LGALS14: variants seen among roughly 807,000 people sequenced by gnomAD.
LGALS14 encodes galectin 14.
A neutral mutation model predicts 14.6 loss-of-function variants in LGALS14; 14 were observed. The observed-to-expected ratio is 0.96, with a 90% confidence interval of 0.64 to 1.50. The LOEUF (loss-of-function observed/expected upper bound fraction) is 1.50, where lower values mean the gene tolerates loss of function less well. Ranked by LOEUF, LGALS14 falls within the 40% of genes most tolerant of loss-of-function variation. The probability of loss-of-function intolerance (pLI) is 0.00; values close to 1 mark genes in which losing one functional copy is unlikely to be tolerated. For missense variants in LGALS14, 180 were observed against 172.0 expected, an observed-to-expected ratio of 1.05 and a Z score of -0.26; for synonymous variants, 57 against 63.9, an observed-to-expected ratio of 0.89 and a Z score of 0.51.
chr19:39,707,415 T>A, intron 3 of LGALS14, 27 bp downstream of exon 3: 1 of 1,580,694 alleles, frequency 6.3e-7, no homozygotes, highest in Non-Finnish European at 8.7e-7. Flanking sequence ...CTTCCAGCGC[T>A]GGAGCTCTGT....
Position 39,704,503 on chromosome 19 carries a change from G to T in LGALS14, c.-26G>T, listed in dbSNP as rs761552565. The T allele has an allele frequency of 6.2e-7, 1 of 1,612,918 alleles. No homozygotes were observed. Among genetic ancestry groups the T allele is most frequent in the Non-Finnish European group, 8.5e-7 (1 of 1,179,222 alleles). ...CACACAGAAGACTGGACACAATTCC[G>T]AAGAGCTGCCCAGAAGGAGAGAACA... is the stretch of plus-strand genomic sequence containing the variant. On this transcript the variant is annotated 5_prime_UTR_variant, in exon 1 of 4. Transcript: ENST00000392052.
At chr19:39,705,259 G>A (rs551252529) in intron 1 of LGALS14, among the ~76,000 whole-genome samples, 12 of 152,248 alleles carry the variant, frequency 7.9e-5, no homozygotes, top group Admixed American at 2.0e-4. Flanking sequence ...GAAAAGGAAC[G>A]CAGATTATGG....
chr19:39,704,587 A>C (rs1245263938), intron 1 of LGALS14, 44 bp downstream of exon 1: 1 of 1,603,546 alleles, frequency 6.2e-7, no homozygotes, highest in South Asian at 1.1e-5. Flanking sequence ...AAGTCACATA[A>C]ACCAAGAAAG....
At chr19:39,705,922 C>G (rs764262003) in intron 1 of LGALS14, 1 of 1,613,704 alleles carries the variant, frequency 6.2e-7, no homozygotes, top group South Asian at 1.1e-5. Context: ...CCCTGACCCA[C>G]AGGCTTCATT....
chr19:39,709,439 C>T lies in LGALS14; in HGVS notation c.*126C>T. On this transcript the variant is annotated 3_prime_UTR_variant, in exon 4 of 4. Coordinates refer to ENST00000392052, the MANE Select transcript of LGALS14 (RefSeq NM_020129.3). Reference sequence around the variant, plus strand: ...CCTACACTTGATCATTAAAACAGCACCAAACTTCACATGATTGGTTCTTGC... The same window carrying T: ...CCTACACTTGATCATTAAAACAGCATCAAACTTCACATGATTGGTTCTTGC... 6.3e-6 allele frequency: 4 copies of T among 634,606 alleles called. No homozygotes were observed. The South Asian group carries it at 7.6e-5, about 12-fold the overall frequency. The allele number at this position is 634,606 out of a possible 1,614,324, so 39.3% of individuals were successfully genotyped here.
intron 3 of LGALS14, among the ~76,000 whole-genome samples, chr19:39,707,625 G>A (rs10418762): frequency 0.057 from 8,654 of 152,166 alleles, 801 homozygotes; most frequent in African/African-American, 0.19. Flanking sequence ...AATCTCCTCT[G>A]TCTTTTCCCA....
At chr19:39,704,603 G>C in intron 1 of LGALS14, 60 bp downstream of exon 1, 1 of 1,561,498 alleles carries the variant, frequency 6.4e-7, no homozygotes, top group South Asian at 1.1e-5. Context: ...GAAAGAAACA[G>C]GGGAGGTTTT....
chr19:39,706,999 A>G (rs1181519604), intron 2 of LGALS14, among the ~76,000 whole-genome samples, 179 bp from the exon 3 acceptor site: 2 of 152,228 alleles, frequency 1.3e-5, no homozygotes, highest in African/African-American at 2.4e-5. Flanking sequence ...GATGAGGAAC[A>G]CAGCATCTCC....
chr19:39,704,589 C>T (rs779428389), intron 1 of LGALS14, 46 bp downstream of exon 1: 1 of 1,599,856 alleles, frequency 6.3e-7, no homozygotes, highest in South Asian at 1.1e-5. Flanking sequence ...GTCACATAAA[C>T]CAAGAAAGAA....
At chr19:39,707,037 G>A (rs533423392) in intron 2 of LGALS14, 141 bp from the exon 3 acceptor site, 250 of 685,826 alleles carry the variant, frequency 3.6e-4, no homozygotes, top group Non-Finnish European at 5.3e-4. Flanking sequence ...GAGCTAAAGC[G>A]TCCCCACAGG....
chr19:39,709,150 C>A, intron 3 of LGALS14, 47 bp from the exon 4 acceptor site: 1 of 1,199,102 alleles, frequency 8.3e-7, no homozygotes, highest in Non-Finnish European at 1.2e-6. Context: ...GGGCTGAAAA[C>A]CTGTTTGGTG....
At chr19:39,707,475 C>G (rs923025575) in intron 3 of LGALS14, 87 bp downstream of exon 3, 2 of 1,029,498 alleles carry the variant, frequency 1.9e-6, no homozygotes, top group African/African-American at 3.1e-5. Flanking sequence ...CCACCAGTCC[C>G]TTGGGGCCCA....
intron 1 of LGALS14, chr19:39,706,014 G>T (rs372371300): frequency 5.1e-5 from 83 of 1,613,570 alleles, no homozygotes; most frequent in Non-Finnish European, 6.3e-5. Context: ...ATTGTGGTGC[G>T]TGTACATCCC....
In LGALS14 at chr19:39,707,324, A is replaced by G; in HGVS notation, c.239A>G (p.Tyr80Cys). 1.2e-6 allele frequency: 2 copies of G among 1,614,120 alleles called. No individual in the cohort carries two copies. The highest frequency in any genetic ancestry group is 1.3e-5 in the African/African-American group (1 of 75,044). ...GIWRYEEKCY[Y>C]LPFEDGKPFE... ...TGGAGATATGAGGAGAAATGCTACT[A>G]TTTACCCTTTGAAGATGGCAAACCA... The change falls in exon 3 of 4, where the codon TAT (tyrosine) becomes TGT (cysteine). Residue 80 changes from tyrosine to cysteine, a missense_variant. By Grantham distance (194) the Tyr-to-Cys change is radical (BLOSUM62 -2). Coordinates refer to ENST00000392052, the MANE Select transcript of LGALS14 (RefSeq NM_020129.3).
chr19:39,706,026 C>T, intron 1 of LGALS14: 1 of 1,613,136 alleles, frequency 6.2e-7, no homozygotes, highest in Non-Finnish European at 8.5e-7. Flanking sequence ...GTACATCCCA[C>T]ACACAGGGGT....
At position 39,706,687 on chromosome 19, in the gene LGALS14, G is replaced by A. The variant is rs1973719612; in HGVS notation, c.92+14G>A. ...CCTCACTTTTGTGTGAGTACTCCAT[G>A]GTCCAATGGAGGGGGTGGAGGAGAG... On this transcript the variant is annotated intron_variant, in intron 2 of 3. Coordinates refer to ENST00000392052, the MANE Select transcript of LGALS14 (RefSeq NM_020129.3). The A allele has an allele frequency of 6.3e-7, 1 of 1,579,310 alleles. No homozygotes were observed. The highest frequency in any genetic ancestry group is 8.7e-7 in the Non-Finnish European group (1 of 1,148,226).
intron 3 of LGALS14, 82 bp downstream of exon 3, chr19:39,707,470 A>T (rs745717602): frequency 5.4e-6 from 6 of 1,104,942 alleles, no homozygotes; most frequent in Non-Finnish European, 8.2e-6. Context: ...TGGTGCCACC[A>T]GTCCCTTGGG....
rs546375300 is a variant in LGALS14, at chr19:39,707,748, G to A, written c.303+360G>A. ...TTCAAAAATTATGTTTCAATTTTGGGCCCAATTCTACTCATAAGAACACCA... is the reference window on the plus strand; with the variant it reads ...TTCAAAAATTATGTTTCAATTTTGGACCCAATTCTACTCATAAGAACACCA... On this transcript the variant is annotated intron_variant, in intron 3 of 3. Coordinates refer to ENST00000392052, the MANE Select transcript of LGALS14 (RefSeq NM_020129.3). Among the ~76,000 whole-genome samples, 4 of 152,122 alleles carry A rather than the reference G, an allele frequency of 2.6e-5. No homozygotes were observed. In the South Asian group the frequency reaches 6.2e-4, roughly 24 times the overall value.
At chr19:39,705,752 T>G (rs888347931) in intron 1 of LGALS14, 1 of 761,238 alleles carries the variant, frequency 1.3e-6, no homozygotes, top group Admixed American at 2.7e-5. Context: ...GGCAGATGTG[T>G]GAGGATCACT....
Sources: allele counts gnomAD v4.1 joint callset (sites outside exome capture counted in the v4.1 genomes callset), GRCh38; gene constraint gnomAD v4.1.1; transcripts MANE v1.5; gene names NCBI Gene and HGNC (gene_info 2026-07-23, HGNC 2026-07-21).